The following NEMP2 variants were observed in gnomAD, a reference collection of about 807,000 sequenced individuals.
NEMP2 encodes UPF0571 transmembrane protein.
Under a neutral mutation model 54.2 loss-of-function variants are expected in NEMP2, and 53 were observed. That is an observed-to-expected ratio of 0.98 (90% CI 0.78 to 1.23). NEMP2 has a LOEUF of 1.23. NEMP2 is among the 50% of genes most tolerant of loss of function. NEMP2 has a pLI of 0.00. For missense variants in NEMP2, 455 were observed against 511.3 expected (o/e 0.89, Z 1.06); for synonymous variants, 197 against 190.3 (o/e 1.04, Z -0.29).
At chr2:190,477,154 T>C in the NEMP2 span, 6 of 599,786 alleles carry the variant, frequency 1.0e-5, no homozygotes, top group African/African-American at 1.0e-4. Context: ...TGTATACATA[T>C]GTAACAAACC....
chr2:190,556,625 G>A, the NEMP2 span, among the ~76,000 whole-genome samples: 51 of 152,308 alleles, frequency 3.3e-4, no homozygotes, highest in Non-Finnish European at 6.0e-4. Flanking sequence ...AGCAACTTCA[G>A]TAAAGTCTCA....
upstream of NEMP2, chr2:190,534,846 G>A (rs1169028525): frequency 7.3e-6 from 3 of 408,184 alleles, no homozygotes; most frequent in Non-Finnish European, 1.3e-5. Context: ...CCGCGGCCTC[G>A]GGGCACGGCG....
the NEMP2 span, among the ~76,000 whole-genome samples, chr2:190,422,561 G>A: frequency 6.6e-6 from 1 of 152,166 alleles, no homozygotes; most frequent in Non-Finnish European, 1.5e-5. Flanking sequence ...TGATGTTGTT[G>A]AGATATCTGA....
chr2:190,447,239 G>T, the NEMP2 span, among the ~76,000 whole-genome samples: 1 of 152,184 alleles, frequency 6.6e-6, no homozygotes, highest in African/African-American at 2.4e-5. This position sits in a 1 kb window ranked among gnomAD's most constrained non-coding sequence, Gnocchi z 4.5. Context: ...CAAAGTTAGT[G>T]ATTTCAATTT....
the NEMP2 span, among the ~76,000 whole-genome samples, chr2:190,492,008 C>CA: frequency 6.6e-6 from 1 of 152,106 alleles, no homozygotes; most frequent in African/African-American, 2.4e-5. This position sits in a 1 kb window ranked among gnomAD's most constrained non-coding sequence, Gnocchi z 5.2. Context: ...TACAGAAATG[C>CA]AAAATGTTCT....
the NEMP2 span, among the ~76,000 whole-genome samples, chr2:190,628,958 T>C: frequency 2.3e-3 from 352 of 152,276 alleles, 3 homozygotes; most frequent in African/African-American, 8.2e-3. The surrounding 1 kb of genome is among the most constrained non-coding windows in gnomAD (Gnocchi z 4.1). Context: ...AATTCTTTCA[T>C]TGAGTTTAAC....
At chr2:190,621,974 G>A in the NEMP2 span, among the ~76,000 whole-genome samples, 1 of 152,134 alleles carries the variant, frequency 6.6e-6, no homozygotes, top group Non-Finnish European at 1.5e-5. Context: ...GGGCAGGGTG[G>A]CATTCACCTG....
chr2:190,637,457 T>C, the NEMP2 span, among the ~76,000 whole-genome samples: 18 of 152,244 alleles, frequency 1.2e-4, no homozygotes, highest in Admixed American at 8.5e-4. The surrounding 1 kb of genome is among the most constrained non-coding windows in gnomAD (Gnocchi z 4.5). Context: ...ATTTGGTCTC[T>C]ACAATTTCAT....
the NEMP2 span, among the ~76,000 whole-genome samples, chr2:190,585,108 T>C: frequency 1.3e-5 from 2 of 152,082 alleles, no homozygotes; most frequent in Admixed American, 1.3e-4. The surrounding 1 kb of genome is among the most constrained non-coding windows in gnomAD (Gnocchi z 5.3). Flanking sequence ...AAGACAAACA[T>C]GGTATTTTCC....
At chr2:190,559,185 T>C in the NEMP2 span, among the ~76,000 whole-genome samples, 1 of 152,176 alleles carries the variant, frequency 6.6e-6, no homozygotes, top group African/African-American at 2.4e-5. This position sits in a 1 kb window ranked among gnomAD's most constrained non-coding sequence, Gnocchi z 4.0. Context: ...TCCATGAAGA[T>C]AATGTTGGGT....
the NEMP2 span, among the ~76,000 whole-genome samples, chr2:190,547,693 T>A: frequency 9.5e-6 from 1 of 105,778 alleles, no homozygotes; most frequent in Non-Finnish European, 2.3e-5. The surrounding 1 kb of genome is among the most constrained non-coding windows in gnomAD (Gnocchi z 6.2). Context: ...ACCCAGCTAA[T>A]TTTTTTTCTT....
At chr2:190,598,345 G>A in the NEMP2 span, among the ~76,000 whole-genome samples, 1 of 152,184 alleles carries the variant, frequency 6.6e-6, no homozygotes, top group African/African-American at 2.4e-5. Flanking sequence ...TTCTACTTAT[G>A]GAAGTTACTC....
chr2:190,431,478 G>A, the NEMP2 span, among the ~76,000 whole-genome samples: 1 of 152,222 alleles, frequency 6.6e-6, no homozygotes, highest in Non-Finnish European at 1.5e-5. The surrounding 1 kb of genome is among the most constrained non-coding windows in gnomAD (Gnocchi z 4.4). Flanking sequence ...CGAGGCTGGC[G>A]GATCACTCGC....
At chr2:190,617,788 G>T in the NEMP2 span, among the ~76,000 whole-genome samples, 4 of 152,204 alleles carry the variant, frequency 2.6e-5, no homozygotes, top group South Asian at 6.2e-4. The surrounding 1 kb of genome is among the most constrained non-coding windows in gnomAD (Gnocchi z 5.0). Context: ...GGGTATCCAT[G>T]TAGGAATTGA....
the NEMP2 span, chr2:190,437,587 C>T: frequency 1.3e-6 from 2 of 1,592,820 alleles, no homozygotes; most frequent in Non-Finnish European, 1.7e-6. The surrounding 1 kb of genome is among the most constrained non-coding windows in gnomAD (Gnocchi z 5.9). Context: ...CGATTGCTGC[C>T]CCTCAGCAAT....
At chr2:190,467,923 A>G in the NEMP2 span, among the ~76,000 whole-genome samples, 2 of 152,334 alleles carry the variant, frequency 1.3e-5, no homozygotes, top group East Asian at 3.9e-4. This position sits in a 1 kb window ranked among gnomAD's most constrained non-coding sequence, Gnocchi z 5.5. Flanking sequence ...AACAGAGACC[A>G]TGTAGCTCGT....
chr2:190,588,309 T>C, the NEMP2 span, among the ~76,000 whole-genome samples: 1 of 152,128 alleles, frequency 6.6e-6, no homozygotes, highest in South Asian at 2.1e-4. The surrounding 1 kb of genome is among the most constrained non-coding windows in gnomAD (Gnocchi z 5.0). Context: ...TTATAAAATG[T>C]TGGTGGATGA....
At chr2:190,631,640 T>A in the NEMP2 span, among the ~76,000 whole-genome samples, 2 of 152,264 alleles carry the variant, frequency 1.3e-5, no homozygotes, top group African/African-American at 4.8e-5. Context: ...CAATACTGTA[T>A]AACCTAATCC....
downstream of NEMP2, among the ~76,000 whole-genome samples, chr2:190,503,141 C>T (rs993187224): frequency 7.9e-5 from 12 of 152,186 alleles, no homozygotes; most frequent in African/African-American, 2.9e-4. This position sits in a 1 kb window ranked among gnomAD's most constrained non-coding sequence, Gnocchi z 6.3. Flanking sequence ...CCTAGAAATG[C>T]TTCAAATTCC....
Sources: gnomAD v4.1 joint callset for allele counts (sites outside exome capture counted in the v4.1 genomes callset) on GRCh38, gnomAD v4.1.1 for gene constraint, Gnocchi (gnomAD v3.1) non-coding constraint, MANE v1.5 for transcripts, NCBI Gene and HGNC (gene_info 2026-07-23, HGNC 2026-07-21) for gene names.